Variants in TNK2 observed in about 807,000 individuals in gnomAD.
TNK2 encodes the protein tyrosine kinase non receptor 2.
Under a neutral mutation model 101.8 loss-of-function variants are expected in TNK2, and 83 were observed. The ratio of observed to expected loss-of-function variants is 0.82; its 90% CI spans 0.68 to 0.98. The LOEUF (loss-of-function observed/expected upper bound fraction) is 0.98, where lower values mean the gene tolerates loss of function less well. TNK2 is among the 50% of genes least tolerant of loss of function. The pLI, the probability that TNK2 is intolerant of heterozygous loss-of-function variation, is 0.00. For missense variants in TNK2, 1,665 were observed against 1,483.2 expected (o/e 1.12, Z -2.01); for synonymous variants, 804 against 633.0 (o/e 1.27, Z -4.06).
rs780962247 is a variant in TNK2, at chr3:195,867,977, G to A, written c.2321C>T (p.Ala774Val). Residue 774 changes from alanine to valine, a missense_variant, in exon 13 of 16, where the codon GCC becomes GTC. This residue lies in a region of TNK2 where 1,136 missense variants were observed against 894.9 expected (regional missense o/e 1.27). Coordinates refer to ENST00000672887, the MANE Select transcript of TNK2 (RefSeq NM_001382273.1). ...GCTGGTCTCCTCCTCGCCCGGGGGGGCTGGAGACAGCTGGACGTGTGGGCG... is the reference window on the plus strand; with the variant it reads ...GCTGGTCTCCTCCTCGCCCGGGGGGACTGGAGACAGCTGGACGTGTGGGCG... ...PTRPHVQLSP[A>V]PPGEEETSQW... The A allele has an allele frequency of 6.5e-6, 10 of 1,548,632 alleles. No individual in the cohort carries two copies. Among genetic ancestry groups the A allele is most frequent in the African/African-American group, 1.4e-5 (1 of 72,890 alleles).
In TNK2 at chr3:195,868,409, G is replaced by T; in HGVS notation, c.1889C>A (p.Pro630His). Residue 630 changes from proline to histidine, a missense_variant, in exon 13 of 16, where the codon CCC becomes CAC. Physicochemically the swap from Pro to His is moderately conservative, Grantham distance 77. Around this residue, in one of 3 missense-constraint regions of TNK2, gnomAD observed 1,136 missense variants for 894.9 expected, o/e 1.27. Transcript: ENST00000672887. ...GTCCACCACAGGCGTGGGGTGCAGG[G>T]GCCGGGGCAGTGCCCGCGTGGGGCT... ...PQSPTRALPR[P>H]LHPTPVVDWD... is the part of the protein sequence containing the mutation. The T allele has an allele frequency of 1.3e-6, 2 of 1,579,280 alleles. No individual in the cohort carries two copies. Among genetic ancestry groups the T allele is most frequent in the Non-Finnish European group, 8.6e-7 (1 of 1,169,442 alleles).
intron 1 of TNK2, chr3:195,892,383 A>G (rs9863553): frequency 0.22 from 338,264 of 1,519,220 alleles, 39,726 homozygotes; most frequent in Non-Finnish European, 0.25. Flanking sequence ...ACCAGTCCCC[A>G]GCAGTCCAGC....
In TNK2 at chr3:195,888,497, T is replaced by C. The variant is rs756816319; in HGVS notation, c.92A>G (p.Asn31Ser). 34 of 1,613,786 alleles carry C rather than the reference T, an allele frequency of 2.1e-5. No homozygotes were observed. The highest frequency in any genetic ancestry group is 1.6e-4 in the East Asian group (7 of 44,888). The change falls in exon 2 of 16, where the codon AAC (asparagine) becomes AGC (serine). Residue 31 changes from asparagine to serine, a missense_variant. Coordinates refer to ENST00000672887, the MANE Select transcript of TNK2 (RefSeq NM_001382273.1). The surrounding 1 kb of genome is among the most constrained non-coding windows in gnomAD (Gnocchi z 5.3). ...CTCAAAGTGGGACAGGCGGGTGACGTTGAGGTCATCTCGGAGCCGCAGGAA... is the reference window on the plus strand; with the variant it reads ...CTCAAAGTGGGACAGGCGGGTGACGCTGAGGTCATCTCGGAGCCGCAGGAA... ...QYFLRLRDDL[N>S]VTRLSHFEYV...
In TNK2 at chr3:195,883,231, T is replaced by A. The variant is rs1320709774; in HGVS notation, c.535A>T (p.Asn179Tyr). 1 of 1,612,854 alleles carries A rather than the reference T, an allele frequency of 6.2e-7. No homozygotes were observed. The highest frequency in any genetic ancestry group is 1.1e-5 in the South Asian group (1 of 91,074). ...EAMDDFIREV[N>Y]AMHSLDHRNL... Reference sequence around the variant, plus strand: ...CGGTGGTCGAGCGAGTGCATGGCATTGACCTCCCGGATGAAGTCGTCCATG... The same window carrying A: ...CGGTGGTCGAGCGAGTGCATGGCATAGACCTCCCGGATGAAGTCGTCCATG... The change falls in exon 5 of 16, where the codon AAT becomes TAT. Residue 179 changes from asparagine to tyrosine, a missense_variant. Asn to Tyr is a moderately radical substitution (Grantham distance 143). This residue lies in a region of TNK2 where 490 missense variants were observed against 522.5 expected (regional missense o/e 0.94). Coordinates refer to ENST00000672887, the MANE Select transcript of TNK2 (RefSeq NM_001382273.1).
At chr3:195,907,261 T>C (rs1374725935) in intron 1 of TNK2, among the ~76,000 whole-genome samples, 1 of 152,042 alleles carries the variant, frequency 6.6e-6, no homozygotes, top group Non-Finnish European at 1.5e-5. Flanking sequence ...GCATGAGTGT[T>C]TGGGTGGCAG....
chr3:195,872,527 G>A, intron 9 of TNK2, 57 bp from the exon 10 acceptor site: 1 of 1,516,044 alleles, frequency 6.6e-7, no homozygotes, highest in Non-Finnish European at 8.9e-7. Context: ...CCCCGGCACT[G>A]GGACCCTCCT....
intron 12 of TNK2, 39 bp downstream of exon 12, chr3:195,869,458 G>C: frequency 1.9e-6 from 3 of 1,546,800 alleles, no homozygotes; most frequent in Non-Finnish European, 2.6e-6. Context: ...GAGAGGGGGC[G>C]GGGGCGGGGG....
Position 195,863,557 on chromosome 3 carries a change from C to T in TNK2, c.*624G>A, listed in dbSNP as rs1576963084. 6.5e-6 allele frequency: 1 copy of T among 152,904 alleles called. No individual in the cohort carries two copies. The highest frequency in any genetic ancestry group is 1.9e-4 in the East Asian group (1 of 5,186). The allele number at this position is 152,904 out of a possible 1,614,324, so 9.5% of individuals were successfully genotyped here. Reference sequence around the variant, plus strand: ...CAGCCCTGGGGCCTTGGGCCCTGGTCCCCGCCAGAGAATGGTCTGGCACCC... The same window carrying T: ...CAGCCCTGGGGCCTTGGGCCCTGGTTCCCGCCAGAGAATGGTCTGGCACCC... On this transcript the variant is annotated 3_prime_UTR_variant, in exon 16 of 16. Transcript: ENST00000672887.
At chr3:195,876,443 C>T in intron 9 of TNK2, 2 of 456,866 alleles carry the variant, frequency 4.4e-6, no homozygotes, top group Non-Finnish European at 8.8e-6. Context: ...CAAAGACTCA[C>T]ACAGAGCCAT....
rs375283257 is a variant in TNK2, at chr3:195,878,366, C to T, written c.1162-19G>A. The T allele has an allele frequency of 2.9e-5, 47 of 1,613,846 alleles. No homozygotes were observed. The highest frequency in any genetic ancestry group is 3.7e-5 in the Non-Finnish European group (44 of 1,179,968). ...GCTGGGCCTGGAGGAAGAGGAAGGT[C>T]GTGGCCAACTCTGGGACTGACGCCT... On this transcript the variant is annotated intron_variant, in intron 8 of 15. Coordinates refer to ENST00000672887, the MANE Select transcript of TNK2 (RefSeq NM_001382273.1). The surrounding 1 kb of genome is among the most constrained non-coding windows in gnomAD (Gnocchi z 4.7).
In TNK2 at chr3:195,863,747, C is replaced by T. The variant is rs541487826; in HGVS notation, c.*434G>A. ...AAGGCCCAGTCCTAGGAGGTCCCAC[C>T]GGGTGCCGGTCCGCCTCTCCCTGTG... On this transcript the variant is annotated 3_prime_UTR_variant, in exon 16 of 16. Transcript: ENST00000672887. 5.6e-4 allele frequency: 100 copies of T among 177,316 alleles called. 2 individuals are homozygous for T. In the South Asian group the frequency reaches 0.014, roughly 25 times the overall value. The allele number at this position is 177,316 out of a possible 1,614,324, so 11.0% of individuals were successfully genotyped here.
chr3:195,882,134 G>A lies in TNK2; in HGVS notation c.804C>T (p.Ile268=), dbSNP rs758631783. ...LLLATRDLVK[I]GDFGLMRALP... ...GTGCTCGCATCAGCCCAAAGTCCCC[G>A]ATCTTGACCAGGTCGCGGGTAGCCA... Residue 268 remains isoleucine, a synonymous_variant, in exon 6 of 16, where the codon ATC becomes ATT. Transcript: ENST00000672887. The surrounding 1 kb of genome is among the most constrained non-coding windows in gnomAD (Gnocchi z 4.2). 5.0e-6 allele frequency: 8 copies of A among 1,613,732 alleles called. No individual in the cohort carries two copies. The Admixed American group carries it at 5.0e-5, about 10-fold the overall frequency.
In TNK2 at chr3:195,868,563, T is replaced by TG. The variant is rs780223111; in HGVS notation, c.1734dup (p.Ser579GlnfsTer4). 6.4e-7 allele frequency: 1 copy of TG among 1,573,440 alleles called. No homozygotes were observed. ...TCGATGAGCGTGACCTCAGCCCCGC[T>TG]GCCTCGGCTGGCCTTGGTGCCCGGC... On this transcript the variant is annotated frameshift_variant, in exon 13 of 16. Coordinates refer to ENST00000672887, the MANE Select transcript of TNK2 (RefSeq NM_001382273.1). LOFTEE classifies it high-confidence loss of function.
rs1477418236 is a variant in TNK2 at position 195,868,013 on chromosome 3, G to C, written c.2285C>G (p.Pro762Arg). ...PQVPPRVPIP[P>R]RPTRPHVQLS... The stretch of plus-strand genomic sequence containing the variant: ...CTGGACGTGTGGGCGCGTGGGCCGA[G>C]GGGGGATGGGTACCCGAGGAGGCAC... Residue 762 changes from proline to arginine, a missense_variant, in exon 13 of 16, where the codon CCT becomes CGT. Coordinates refer to ENST00000672887, the MANE Select transcript of TNK2 (RefSeq NM_001382273.1). 2.5e-6 allele frequency: 4 copies of C among 1,579,096 alleles called. No homozygotes were observed. The highest frequency in any genetic ancestry group is 2.6e-6 in the Non-Finnish European group (3 of 1,169,470).
At chr3:195,873,025 G>A (rs1189963618) in intron 9 of TNK2, among the ~76,000 whole-genome samples, 1 of 152,180 alleles carries the variant, frequency 6.6e-6, no homozygotes, top group African/African-American at 2.4e-5. Context: ...CCCGAATGCA[G>A]ACGCGGGAGA....
At chr3:195,890,041 C>G (rs1757742621) in intron 1 of TNK2, among the ~76,000 whole-genome samples, 1 of 152,220 alleles carries the variant, frequency 6.6e-6, no homozygotes, top group Non-Finnish European at 1.5e-5. Flanking sequence ...CCTGCCAACA[C>G]AGTGCCAGTT....
At chr3:195,872,694 G>C (rs1013107098) in intron 9 of TNK2, 4 of 536,054 alleles carry the variant, frequency 7.5e-6, no homozygotes, top group South Asian at 2.6e-5. Flanking sequence ...AGGTGGGTCA[G>C]GCAGCTTTCC....
chr3:195,885,336 C>G lies in TNK2; in HGVS notation c.235-303G>C. On this transcript the variant is annotated intron_variant, in intron 3 of 15. Transcript: ENST00000672887. This position sits in a 1 kb window ranked among gnomAD's most constrained non-coding sequence, Gnocchi z 4.7. The stretch of plus-strand genomic sequence containing the variant: ...TGTGGAGAGGGAGGGCACCGCCCAG[C>G]CAAGGTCGGAGTCTCCTCCCAGTCC... The G allele has an allele frequency of 7.2e-7, 1 of 1,384,062 alleles. No homozygotes were observed. Among genetic ancestry groups the G allele is most frequent in the Non-Finnish European group, 9.4e-7 (1 of 1,058,354 alleles). 85.7% of individuals were successfully genotyped at this position (1,384,062 alleles called of 1,614,324 possible).
chr3:195,884,729 C>T, intron 4 of TNK2, 83 bp downstream of exon 4: 1 of 1,344,850 alleles, frequency 7.4e-7, no homozygotes, highest in Non-Finnish European at 1.0e-6. Flanking sequence ...CAGTCCCATC[C>T]ACACCCTGGT....
Sources: gnomAD v4.1 joint callset for allele counts (sites outside exome capture counted in the v4.1 genomes callset) on GRCh38, gnomAD v4.1.1 for gene constraint, gnomAD v4.1.1 regional missense constraint, Gnocchi (gnomAD v3.1) non-coding constraint, MANE v1.5 for transcripts, NCBI Gene and HGNC (gene_info 2026-07-23, HGNC 2026-07-21) for gene names.